The following THSD4 variants were observed in gnomAD, a reference collection of about 807,000 sequenced individuals.
THSD4 encodes the protein thrombospondin type 1 domain containing 4.
Under a neutral mutation model 119.0 loss-of-function variants are expected in THSD4, and 69 were observed. That is an observed-to-expected ratio of 0.58 (90% CI 0.48 to 0.71). The LOEUF is 0.71. Ranked by LOEUF, THSD4 falls within the 30% of genes least tolerant of loss-of-function variation. THSD4 has a pLI of 0.00. For missense variants in THSD4, 1,393 were observed against 1,391.1 expected (o/e 1.00, Z -0.02); for synonymous variants, 524 against 540.4 (o/e 0.97, Z 0.42).
chr15:71,481,941 A>G (rs1000170909), intron 7 of THSD4, among the ~76,000 whole-genome samples: 1 of 152,154 alleles, frequency 6.6e-6, no homozygotes, highest in African/African-American at 2.4e-5. Context: ...GGCTTTAAAC[A>G]CCAGAATAAT....
chr15:71,345,965 C>A (rs928282877), intron 6 of THSD4, among the ~76,000 whole-genome samples: 1 of 152,086 alleles, frequency 6.6e-6, no homozygotes, highest in African/African-American at 2.4e-5. Flanking sequence ...TCATACATAA[C>A]CACAAAGCAA....
intron 7 of THSD4, among the ~76,000 whole-genome samples, chr15:71,430,461 T>C (rs1276959270): frequency 6.6e-6 from 1 of 152,232 alleles, no homozygotes; most frequent in Non-Finnish European, 1.5e-5. Context: ...GATTAGACTT[T>C]TAAAAGCCTC....
At position 71,650,171 on chromosome 15, in the gene THSD4, T is replaced by A. The variant is rs117656422; in HGVS notation, c.1153-10359T>A. On this transcript the variant is annotated intron_variant, in intron 7 of 17. Coordinates refer to ENST00000261862, the MANE Select transcript of THSD4 (RefSeq NM_024817.3). ...GTCTGTTTGTGTAAATAAAGTTTTA[T>A]TAGAACATAGCCATAAGTCATCCAT... Among the ~76,000 whole-genome samples the A allele has an allele frequency of 2.5e-3, 378 of 152,312 alleles. 3 individuals are homozygous for A. The highest frequency in any genetic ancestry group is 4.0e-3 in the Non-Finnish European group (272 of 68,032).
intron 6 of THSD4, among the ~76,000 whole-genome samples, chr15:71,347,807 G>A (rs531338934): frequency 6.6e-6 from 1 of 152,128 alleles, no homozygotes; most frequent in Non-Finnish European, 1.5e-5. Flanking sequence ...AAGTTCTCTT[G>A]TTCTCCTAAC....
chr15:71,305,733 G>A (rs2045014908), intron 6 of THSD4, among the ~76,000 whole-genome samples: 1 of 152,154 alleles, frequency 6.6e-6, no homozygotes, highest in Admixed American at 6.5e-5. Context: ...AGGAGAAATG[G>A]ATGAGTAGAG....
At chr15:71,736,832 A>G (rs1411609330) in intron 10 of THSD4, among the ~76,000 whole-genome samples, 2 of 152,250 alleles carry the variant, frequency 1.3e-5, no homozygotes, top group Non-Finnish European at 2.9e-5. Flanking sequence ...TGTCCTGCAC[A>G]AAAACAAAGC....
chr15:71,222,333 C>T lies in THSD4; in HGVS notation c.464+6934C>T, dbSNP rs140295050. On this transcript the variant is annotated intron_variant, in intron 4 of 17. Transcript: ENST00000261862. ...ACTCTCATGCTAAAGGGCCCGATAT[C>T]AGGCAAGCTTTCCTTCCCACTGGAC... Among the ~76,000 whole-genome samples the T allele has an allele frequency of 2.6e-5, 4 of 152,314 alleles. No individual in the cohort carries two copies. The East Asian group carries it at 7.7e-4, about 29-fold the overall frequency.
At chr15:71,572,461 T>C (rs1478154003) in intron 7 of THSD4, among the ~76,000 whole-genome samples, 1 of 152,228 alleles carries the variant, frequency 6.6e-6, no homozygotes, top group Non-Finnish European at 1.5e-5. Flanking sequence ...CTTCCCTGCA[T>C]GCTGGGAACT....
At chr15:71,166,805 A>C (rs1000698937) in intron 3 of THSD4, among the ~76,000 whole-genome samples, 1 of 152,168 alleles carries the variant, frequency 6.6e-6, no homozygotes, top group South Asian at 2.1e-4. Context: ...ACATCACTCT[A>C]TAAGTTACTC....
chr15:71,130,702 GCA>G (rs2040495554), intron 1 of THSD4, among the ~76,000 whole-genome samples: 2 of 152,278 alleles, frequency 1.3e-5, no homozygotes, highest in African/African-American at 4.8e-5. Context: ...TGTTTAAAAA[GCA>G]TTCAGCACAA....
intron 7 of THSD4, among the ~76,000 whole-genome samples, chr15:71,494,878 G>A (rs939851357): frequency 1.3e-5 from 2 of 152,134 alleles, no homozygotes; most frequent in African/African-American, 2.4e-5. Flanking sequence ...TTTGTAAATC[G>A]ACATATTTTT....
chr15:71,719,715 TC>T (rs1267300449), intron 8 of THSD4, among the ~76,000 whole-genome samples: 2 of 152,182 alleles, frequency 1.3e-5, no homozygotes, highest in Admixed American at 1.3e-4. Context: ...TCACTCCGTC[TC>T]CCGGGCTGGA....
chr15:71,364,179 T>TA (rs1420154767), intron 6 of THSD4, among the ~76,000 whole-genome samples: 26 of 152,250 alleles, frequency 1.7e-4, no homozygotes, highest in African/African-American at 6.3e-4. Flanking sequence ...CAGAGGCTGT[T>TA]ACAGAAAAGG....
At chr15:71,144,579 A>G (rs770842960) in intron 2 of THSD4, among the ~76,000 whole-genome samples, 11 of 152,232 alleles carry the variant, frequency 7.2e-5, no homozygotes, top group South Asian at 2.1e-4. Flanking sequence ...AGAACATTTA[A>G]GGGGAATCAC....
intron 14 of THSD4, among the ~76,000 whole-genome samples, chr15:71,749,437 A>G (rs1330516017): frequency 6.6e-6 from 1 of 152,238 alleles, no homozygotes; most frequent in Non-Finnish European, 1.5e-5. Context: ...TGTGAGAGGC[A>G]CCAAGTCCAG....
At chr15:71,327,162 A>G (rs1221960328) in intron 6 of THSD4, among the ~76,000 whole-genome samples, 1 of 152,132 alleles carries the variant, frequency 6.6e-6, no homozygotes, top group Non-Finnish European at 1.5e-5. Context: ...GCGAGACTCC[A>G]TCTGAAAAAC....
intron 6 of THSD4, among the ~76,000 whole-genome samples, chr15:71,322,575 A>G (rs2045282559): frequency 3.3e-5 from 5 of 152,196 alleles, no homozygotes. Context: ...AAACGTTTCT[A>G]TAGGTCAGGA....
chr15:71,180,938 A>C (rs527310466), intron 3 of THSD4, among the ~76,000 whole-genome samples: 1 of 152,328 alleles, frequency 6.6e-6, no homozygotes, highest in East Asian at 1.9e-4. Flanking sequence ...TCAATTAAAA[A>C]AAAAGAGGAG....
At chr15:71,127,470 G>A (rs950460839) in intron 1 of THSD4, among the ~76,000 whole-genome samples, 1 of 152,092 alleles carries the variant, frequency 6.6e-6, no homozygotes, top group African/African-American at 2.4e-5. Context: ...TCTATTTTTA[G>A]TTCTTTGAGG....
Sources: allele counts gnomAD v4.1 joint callset (sites outside exome capture counted in the v4.1 genomes callset), GRCh38; gene constraint gnomAD v4.1.1; transcripts MANE v1.5; gene names NCBI Gene and HGNC (gene_info 2026-07-23, HGNC 2026-07-21).